The following PAIP1 variants were observed in gnomAD, a reference collection of about 807,000 sequenced individuals.
PAIP1 encodes polyadenylate-binding protein-interacting protein 1.
PAIP1 carries 16 observed loss-of-function variants against 61.3 expected under a neutral mutation model. The ratio of observed to expected loss-of-function variants is 0.26; its 90% CI spans 0.18 to 0.40. The LOEUF (loss-of-function observed/expected upper bound fraction) is 0.40, where lower values mean the gene tolerates loss of function less well. PAIP1 is among the 10% of genes least tolerant of loss of function. The pLI is 1.00. For missense variants in PAIP1, 416 were observed against 600.9 expected, an observed-to-expected ratio of 0.69 and a Z score of 3.22; for synonymous variants, 187 against 226.2, an observed-to-expected ratio of 0.83 and a Z score of 1.56.
At chr5:43,540,756 G>A (rs1480419688) in intron 4 of PAIP1, among the ~76,000 whole-genome samples, 1 of 152,178 alleles carries the variant, frequency 6.6e-6, no homozygotes, top group African/African-American at 2.4e-5. Context: ...AAGCACATAT[G>A]GTGGGTAACA....
rs1394431028 is a variant in PAIP1 at position 43,526,463 on chromosome 5, G to A, written c.*913C>T. 6 of 152,052 alleles carry A rather than the reference G, an allele frequency of 3.9e-5. No individual in the cohort carries two copies. The highest frequency in any genetic ancestry group is 2.9e-5 in the Non-Finnish European group (2 of 67,912). The allele number at this position is 152,052 out of a possible 1,614,324, so 9.4% of individuals were successfully genotyped here. On this transcript the variant is annotated 3_prime_UTR_variant, in exon 11 of 11. Transcript: ENST00000306846. ...TTTGTACACAGTTTTTAGTTAGCTG[G>A]AAAAAGATTTGACATTAGGTAAAAA...
chr5:43,552,165 G>C (rs1040293603), intron 2 of PAIP1, among the ~76,000 whole-genome samples: 1 of 152,194 alleles, frequency 6.6e-6, no homozygotes, highest in Non-Finnish European at 1.5e-5. Flanking sequence ...AAACTGATCA[G>C]ACACTACAGA....
intron 3 of PAIP1, among the ~76,000 whole-genome samples, chr5:43,544,993 T>C (rs1217596284): frequency 6.6e-6 from 1 of 152,186 alleles, no homozygotes; most frequent in African/African-American, 2.4e-5. Flanking sequence ...CTCTACTATT[T>C]CCTCCTATCA....
intron 1 of PAIP1, chr5:43,556,222 T>C: frequency 1.5e-6 from 2 of 1,297,742 alleles, no homozygotes; most frequent in Non-Finnish European, 1.9e-6. Context: ...AAATGAGTGC[T>C]TGCGAGCTTT....
chr5:43,536,275 A>G lies in PAIP1; in HGVS notation c.972+544T>C, dbSNP rs374759657. 5.9e-5 allele frequency among the ~76,000 whole-genome samples: 9 copies of G among 152,332 alleles called. No homozygotes were observed. The East Asian group carries it at 1.3e-3, about 23-fold the overall frequency. On this transcript the variant is annotated intron_variant, in intron 6 of 10. Coordinates refer to ENST00000306846, the MANE Select transcript of PAIP1 (RefSeq NM_006451.5). ...CGTCCACCCACCAAATCCGTGTTTA[A>G]GAATTTAACCTACAAAAGTATCTGC...
At position 43,527,304 on chromosome 5, in the gene PAIP1, C is replaced by T; in HGVS notation, c.*72G>A. 8.7e-7 allele frequency: 1 copy of T among 1,152,766 alleles called. No individual in the cohort carries two copies. The highest frequency in any genetic ancestry group is 1.2e-6 in the Non-Finnish European group (1 of 841,728). 71.4% of individuals were successfully genotyped at this position (1,152,766 alleles called of 1,614,324 possible). ...TAATTTGGTATAGATGTGACATTTT[C>T]TTGCTCTCTTGTGTTCTGCTAAATC... On this transcript the variant is annotated 3_prime_UTR_variant, in exon 11 of 11. Coordinates refer to ENST00000306846, the MANE Select transcript of PAIP1 (RefSeq NM_006451.5).
intron 1 of PAIP1, chr5:43,556,260 G>C: frequency 7.8e-7 from 1 of 1,274,946 alleles, no homozygotes; most frequent in Non-Finnish European, 9.9e-7. Context: ...TAAAGGGGTC[G>C]GTGGAAAAGA....
intron 2 of PAIP1, among the ~76,000 whole-genome samples, chr5:43,551,228 G>A (rs749991630): frequency 1.4e-4 from 21 of 151,998 alleles, no homozygotes; most frequent in African/African-American, 1.9e-4. Context: ...AGAACTGAGC[G>A]CAGAACAAAG....
chr5:43,552,604 A>G (rs6451713), intron 2 of PAIP1, among the ~76,000 whole-genome samples: 151,610 of 152,328 alleles, frequency 1, 75,454 homozygotes, highest in Middle Eastern at 1. Flanking sequence ...GGGAGAAGAG[A>G]TGCTCATAAC....
chr5:43,556,695 G>A lies in PAIP1; in HGVS notation c.152C>T (p.Pro51Leu), dbSNP rs562875256. ...ARHQPPQPKA[P>L]GFLQPPPLRQ... ...CAGCGGCGGTGGCTGCAGGAAGCCCGGGGCTTTGGGTTGCGGCGGCTGGTG... is the reference window on the plus strand; with the variant it reads ...CAGCGGCGGTGGCTGCAGGAAGCCCAGGGCTTTGGGTTGCGGCGGCTGGTG... Residue 51 changes from proline to leucine, a missense_variant, in exon 1 of 11, where the codon CCG (proline) becomes CTG (leucine). By Grantham distance (98) the Pro-to-Leu change is moderately conservative. Around this residue, in one of 4 missense-constraint regions of PAIP1, gnomAD observed 97 missense variants for 89.5 expected, o/e 1.08. Transcript: ENST00000306846. The A allele has an allele frequency of 5.2e-5, 68 of 1,309,740 alleles. No homozygotes were observed. Among genetic ancestry groups the A allele is most frequent in the Middle Eastern group, 5.9e-4 (2 of 3,416 alleles). 81.1% of individuals were successfully genotyped at this position (1,309,740 alleles called of 1,614,324 possible). A position where few individuals can be genotyped will look rare whatever the true frequency, so the allele number is the denominator to read the frequency against.
At chr5:43,541,395 G>A (rs867990218) in intron 4 of PAIP1, among the ~76,000 whole-genome samples, 2 of 141,220 alleles carry the variant, frequency 1.4e-5, no homozygotes, top group Non-Finnish European at 3.0e-5. Context: ...CTCGTGAGCC[G>A]CCCACCTCAG....
chr5:43,552,013 A>T (rs1273385570), intron 2 of PAIP1, among the ~76,000 whole-genome samples: 3 of 152,178 alleles, frequency 2.0e-5, no homozygotes, highest in African/African-American at 7.2e-5. Context: ...AATGGCTTCC[A>T]AACAGAGATA....
At chr5:43,536,250 C>T (rs905095102) in intron 6 of PAIP1, among the ~76,000 whole-genome samples, 2 of 152,138 alleles carry the variant, frequency 1.3e-5, no homozygotes, top group Non-Finnish European at 2.9e-5. Flanking sequence ...TACATATGCT[C>T]GTCCACCCAC....
At chr5:43,534,261 G>C (rs781744765) in intron 8 of PAIP1, among the ~76,000 whole-genome samples, 2 of 151,876 alleles carry the variant, frequency 1.3e-5, no homozygotes, top group Non-Finnish European at 2.9e-5. Flanking sequence ...GTGCAATGGC[G>C]TGATTTCAGC....
At chr5:43,554,920 AAC>A (rs1239765618) in intron 2 of PAIP1, among the ~76,000 whole-genome samples, 4 of 152,248 alleles carry the variant, frequency 2.6e-5, no homozygotes, top group African/African-American at 9.6e-5. Flanking sequence ...AACGTTCATC[AAC>A]AGACAAATGG....
chr5:43,535,838 CAA>C (rs70997408), intron 6 of PAIP1, among the ~76,000 whole-genome samples, 198 bp from the exon 7 acceptor site: 1 of 151,270 alleles, frequency 6.6e-6, no homozygotes, highest in African/African-American at 2.4e-5. Flanking sequence ...GAAACTAAAA[CAA>C]AAAAAACAAT....
chr5:43,556,856 C>T lies in PAIP1; in HGVS notation c.-10G>A, dbSNP rs1748115564. ...CGAAACCGTCCGACATGCTCCTCCT[C>T]CTCCGCCTCCTCCTCCAGGGGCCGC... On this transcript the variant is annotated 5_prime_UTR_variant, in exon 1 of 11. Coordinates refer to ENST00000306846, the MANE Select transcript of PAIP1 (RefSeq NM_006451.5). The T allele has an allele frequency of 7.1e-7, 1 of 1,408,756 alleles. No homozygotes were observed. Among genetic ancestry groups the T allele is most frequent in the Non-Finnish European group, 9.2e-7 (1 of 1,085,314 alleles). 87.3% of individuals were successfully genotyped at this position (1,408,756 alleles called of 1,614,324 possible).
chr5:43,554,741 G>C (rs1306273340), intron 2 of PAIP1, among the ~76,000 whole-genome samples: 2 of 152,172 alleles, frequency 1.3e-5, no homozygotes, highest in Admixed American at 6.5e-5. Context: ...TACTCAGAAT[G>C]TACAGTGGAA....
intron 10 of PAIP1, among the ~76,000 whole-genome samples, chr5:43,528,910 G>A (rs1746816997): frequency 1.3e-5 from 2 of 152,164 alleles, no homozygotes; most frequent in African/African-American, 4.8e-5. Context: ...CTGATGGTAA[G>A]TGAGTAATAT....
Sources: gnomAD v4.1 joint callset for allele counts (sites outside exome capture counted in the v4.1 genomes callset) on GRCh38, gnomAD v4.1.1 for gene constraint, gnomAD v4.1.1 regional missense constraint, MANE v1.5 for transcripts, NCBI Gene and HGNC (gene_info 2026-07-23, HGNC 2026-07-21) for gene names.